The following LANCL1 variants were observed in gnomAD, a reference collection of about 807,000 sequenced individuals.
LANCL1 encodes the protein LanC like glutathione S-transferase 1.
LANCL1 carries 50 observed loss-of-function variants against 50.6 expected under a neutral mutation model. That is an observed-to-expected ratio of 0.99 (90% CI 0.79 to 1.25). The LOEUF (loss-of-function observed/expected upper bound fraction) is 1.25, where lower values mean the gene tolerates loss of function less well. Ranked by LOEUF, LANCL1 falls within the 50% of genes most tolerant of loss-of-function variation. LANCL1 has a pLI of 0.00. For synonymous variants in LANCL1, 188 were observed against 178.6 expected (o/e 1.05, Z -0.42); for missense variants, 532 against 480.7 (o/e 1.11, Z -1.00).
chr2:210,435,893 C>CTTTT lies in LANCL1; in HGVS notation c.1050+319_1050+322dup, dbSNP rs71043994. Among the ~76,000 whole-genome samples the CTTTT allele has an allele frequency of 4.5e-3, 290 of 64,266 alleles. 2 individuals carry two copies. Among genetic ancestry groups the CTTTT allele is most frequent in the East Asian group, 6.6e-3 (11 of 1,658 alleles). The allele number at this position is 64,266 out of a possible 152,430, so 42.2% of individuals were successfully genotyped here. On this transcript the variant is annotated intron_variant, in intron 8 of 9. Transcript: ENST00000450366. ...TTTCTACAACCTCCTGGGAGACCTGCTTTTTTTTTTTTTTTTTTTTTTTTT... is the reference window on the plus strand; with the variant it reads ...TTTCTACAACCTCCTGGGAGACCTGCTTTTTTTTTTTTTTTTTTTTTTTTTTTTT...
intron 6 of LANCL1, among the ~76,000 whole-genome samples, chr2:210,438,463 T>C (rs1222649818): frequency 1.3e-5 from 2 of 152,200 alleles, no homozygotes; most frequent in African/African-American, 2.4e-5. Context: ...TCAATATTAA[T>C]TGCTATCTAC....
chr2:210,464,985 A>ACAACAACAAC (rs769903779), intron 3 of LANCL1, among the ~76,000 whole-genome samples: 1 of 151,154 alleles, frequency 6.6e-6, no homozygotes, highest in Non-Finnish European at 1.5e-5. Flanking sequence ...AAAAAAAAAA[A>ACAACAACAAC]AAAAAACTTA....
chr2:210,444,731 G>T (rs974535195), intron 4 of LANCL1, among the ~76,000 whole-genome samples: 1 of 152,076 alleles, frequency 6.6e-6, no homozygotes, highest in African/African-American at 2.4e-5. Flanking sequence ...AACTTGGCTA[G>T]AGGTTTCTTT....
intron 3 of LANCL1, 25 bp downstream of exon 3, chr2:210,471,934 C>A (rs747021855): frequency 1.3e-6 from 2 of 1,493,100 alleles, no homozygotes; most frequent in African/African-American, 1.4e-5. Flanking sequence ...AATGCTTATG[C>A]CAGCTCACAG....
chr2:210,465,520 A>C (rs945796461), intron 3 of LANCL1, among the ~76,000 whole-genome samples: 1 of 152,248 alleles, frequency 6.6e-6, no homozygotes, highest in African/African-American at 2.4e-5. Flanking sequence ...CCATCACTGC[A>C]GTTACAGCAG....
chr2:210,449,447 C>T (rs1279845758), intron 4 of LANCL1, among the ~76,000 whole-genome samples: 1 of 152,158 alleles, frequency 6.6e-6, no homozygotes, highest in Non-Finnish European at 1.5e-5. Flanking sequence ...CAGCACAAAA[C>T]AAGGATGCCC....
chr2:210,446,079 G>A (rs1313287926), intron 4 of LANCL1, among the ~76,000 whole-genome samples: 3 of 152,210 alleles, frequency 2.0e-5, no homozygotes, highest in African/African-American at 4.8e-5. Context: ...GAAGAGAGCA[G>A]TGGATCTCCC....
chr2:210,434,565 T>C lies in LANCL1; in HGVS notation c.1124-2A>G. ...GGAAATATATTGTTCCAGCCATTCC[T>C]GAAGAAAGAGAAAGAGGCAAAAGTT... On this transcript the variant is annotated splice_acceptor_variant, in intron 9 of 9. Coordinates refer to ENST00000450366, the MANE Select transcript of LANCL1 (RefSeq NM_006055.3). LOFTEE classifies it high-confidence loss of function. The C allele has an allele frequency of 6.2e-7, 1 of 1,612,704 alleles. No individual in the cohort carries two copies. The highest frequency in any genetic ancestry group is 8.5e-7 in the Non-Finnish European group (1 of 1,179,144).
At chr2:210,441,285 C>T in intron 5 of LANCL1, 23 bp downstream of exon 5, 1 of 1,606,088 alleles carries the variant, frequency 6.2e-7, no homozygotes, top group Non-Finnish European at 8.5e-7. Context: ...AAAAAGGCTC[C>T]TAAAAACACA....
intron 4 of LANCL1, among the ~76,000 whole-genome samples, chr2:210,444,841 C>T (rs565426230): frequency 1.6e-4 from 25 of 151,892 alleles, no homozygotes; most frequent in Non-Finnish European, 1.9e-4. Context: ...TACTTCGATA[C>T]CATATATATC....
chr2:210,470,658 T>C (rs62203668), intron 3 of LANCL1, among the ~76,000 whole-genome samples: 62,739 of 151,948 alleles, frequency 0.41, 14,168 homozygotes, highest in East Asian at 0.61. Context: ...ATTTTCAGAT[T>C]TGGGATGCTC....
At chr2:210,476,458 C>T in intron 1 of LANCL1, 46 bp from the exon 2 acceptor site, 3 of 1,527,488 alleles carry the variant, frequency 2.0e-6, no homozygotes, top group Non-Finnish European at 2.6e-6. Flanking sequence ...ATAGGGGCCT[C>T]GGCCGAGTTG....
rs1692765241 is a variant in LANCL1 at position 210,432,125 on chromosome 2, A to G, written c.*2362T>C. The G allele has an allele frequency of 1.3e-5, 2 of 152,320 alleles. No homozygotes were observed. Among genetic ancestry groups the G allele is most frequent in the South Asian group, 2.1e-4 (1 of 4,824 alleles). The allele number at this position is 152,320 out of a possible 1,614,324, so 9.4% of individuals were successfully genotyped here. ...GATGCCACTTCCTTTTAAAACTAAGAAGCCTAGTATAAAAGTTTCTTTAGT... is the reference window on the plus strand; with the variant it reads ...GATGCCACTTCCTTTTAAAACTAAGGAGCCTAGTATAAAAGTTTCTTTAGT... On this transcript the variant is annotated 3_prime_UTR_variant, in exon 10 of 10. Transcript: ENST00000450366.
chr2:210,475,292 C>A (rs371397217), intron 2 of LANCL1, among the ~76,000 whole-genome samples: 1 of 152,096 alleles, frequency 6.6e-6, no homozygotes, highest in Non-Finnish European at 1.5e-5. Context: ...ATTTTTAAAG[C>A]GTGTGCCTTG....
chr2:210,457,842 A>G (rs1208594157), intron 3 of LANCL1, among the ~76,000 whole-genome samples: 1 of 152,080 alleles, frequency 6.6e-6, no homozygotes, highest in Non-Finnish European at 1.5e-5. Flanking sequence ...TGTGATGGAG[A>G]GTAAGTGGTT....
At chr2:210,445,627 G>C (rs1283977828) in intron 4 of LANCL1, among the ~76,000 whole-genome samples, 2 of 151,970 alleles carry the variant, frequency 1.3e-5, no homozygotes, top group African/African-American at 2.4e-5. Context: ...TAAAAATAAA[G>C]AAATGATATC....
rs1180281081 is a variant in LANCL1, at chr2:210,472,099, T to C, written c.82-23A>G. 4 of 1,529,750 alleles carry C rather than the reference T, an allele frequency of 2.6e-6. No individual in the cohort carries two copies. The Admixed American group carries it at 6.7e-5, about 26-fold the overall frequency. 94.8% of individuals were successfully genotyped at this position (1,529,750 alleles called of 1,614,324 possible). ...CAGCTAGATATTAAAGGAAAACAAG[T>C]ATCAAAATAATGTGGGTCACCCAGC... On this transcript the variant is annotated intron_variant, in intron 2 of 9. Transcript: ENST00000450366.
chr2:210,450,060 G>T (rs746795371), intron 4 of LANCL1, among the ~76,000 whole-genome samples: 3 of 152,178 alleles, frequency 2.0e-5, no homozygotes, highest in South Asian at 2.1e-4. Context: ...AAAGAACAAG[G>T]CTGGATGCAT....
chr2:210,470,110 TG>T (rs1694181157), intron 3 of LANCL1, among the ~76,000 whole-genome samples: 1 of 152,214 alleles, frequency 6.6e-6, no homozygotes. Context: ...GTGCTTGTCC[TG>T]TTTTGTTCAA....
Sources: allele counts gnomAD v4.1 joint callset (sites outside exome capture counted in the v4.1 genomes callset), GRCh38; gene constraint gnomAD v4.1.1; transcripts MANE v1.5; gene names NCBI Gene and HGNC (gene_info 2026-07-23, HGNC 2026-07-21).